The following CNTNAP2 variants were observed in gnomAD, a reference collection of about 807,000 sequenced individuals.
CNTNAP2 encodes contactin associated protein 2.
A neutral mutation model predicts 155.2 loss-of-function variants in CNTNAP2; 98 were observed. The observed-to-expected ratio is 0.63, with a 90% CI of 0.54 to 0.75. CNTNAP2 has a LOEUF of 0.75. CNTNAP2 is among the 30% of genes least tolerant of loss of function. CNTNAP2 has a pLI of 0.00. For synonymous variants in CNTNAP2, 651 were observed against 631.2 expected, an observed-to-expected ratio of 1.03 and a Z score of -0.47; for missense variants, 1,727 against 1,688.1, an observed-to-expected ratio of 1.02 and a Z score of -0.40.
At chr7:146,539,826 A>G (rs753292905) in intron 1 of CNTNAP2, among the ~76,000 whole-genome samples, 5 of 152,136 alleles carry the variant, frequency 3.3e-5, no homozygotes, top group Non-Finnish European at 7.4e-5. Flanking sequence ...AAAGTCACCA[A>G]TCATGAAAGT....
chr7:146,702,319 C>T (rs1317333287), intron 1 of CNTNAP2, among the ~76,000 whole-genome samples: 3 of 151,836 alleles, frequency 2.0e-5, no homozygotes, highest in Non-Finnish European at 4.4e-5. Flanking sequence ...ATTAAGTATT[C>T]TATTAAAAGG....
chr7:146,714,484 A>T (rs756575473), intron 1 of CNTNAP2, among the ~76,000 whole-genome samples: 2 of 152,208 alleles, frequency 1.3e-5, no homozygotes, highest in Non-Finnish European at 2.9e-5. Flanking sequence ...GCTATTTCAT[A>T]TCTAAACCTC....
chr7:147,470,741 C>T (rs868525346), intron 10 of CNTNAP2, among the ~76,000 whole-genome samples: 4 of 151,826 alleles, frequency 2.6e-5, no homozygotes, highest in African/African-American at 7.3e-5. Context: ...CAAAAATATG[C>T]TTTATTTATT....
At chr7:147,088,008 A>G (rs1800317872) in intron 4 of CNTNAP2, among the ~76,000 whole-genome samples, 2 of 152,158 alleles carry the variant, frequency 1.3e-5, no homozygotes, top group Admixed American at 1.3e-4. Flanking sequence ...ACAGCCATCA[A>G]GCAGACATGG....
chr7:147,664,662 C>G, intron 13 of CNTNAP2, among the ~76,000 whole-genome samples: 1 of 152,142 alleles, frequency 6.6e-6, no homozygotes, highest in Non-Finnish European at 1.5e-5. Context: ...CCTAGGAAAT[C>G]TCTTTGAATC....
At chr7:147,092,672 C>T (rs1800431516) in intron 4 of CNTNAP2, among the ~76,000 whole-genome samples, 1 of 152,166 alleles carries the variant, frequency 6.6e-6, no homozygotes, top group African/African-American at 2.4e-5. Context: ...TTAAAAAATT[C>T]TGAGCTTCAC....
At chr7:148,130,519 G>A (rs59906748) in intron 16 of CNTNAP2, among the ~76,000 whole-genome samples, 3 of 152,114 alleles carry the variant, frequency 2.0e-5, no homozygotes, top group African/African-American at 7.2e-5. Context: ...TACAGATCTG[G>A]TCCAGTTACT....
intron 13 of CNTNAP2, among the ~76,000 whole-genome samples, chr7:147,775,343 ATATATTTATATAT>A (rs1704561795): frequency 2.2e-5 from 1 of 45,734 alleles, no homozygotes; most frequent in Non-Finnish European, 3.5e-5. Flanking sequence ...TTATAAATAT[ATATATTTATATAT>A]ATTTATAAAT....
chr7:148,063,172 C>A (rs186680840), intron 15 of CNTNAP2, among the ~76,000 whole-genome samples: 238 of 151,946 alleles, frequency 1.6e-3, no homozygotes, highest in African/African-American at 5.6e-3. Flanking sequence ...AGGTGTGGTC[C>A]TACTGTCTTC....
chr7:147,823,347 T>C (rs1798391001), intron 13 of CNTNAP2, among the ~76,000 whole-genome samples: 1 of 152,178 alleles, frequency 6.6e-6, no homozygotes, highest in African/African-American at 2.4e-5. Context: ...TAGACTTATT[T>C]CTTGTCACTC....
intron 1 of CNTNAP2, among the ~76,000 whole-genome samples, chr7:146,733,173 G>A (rs1801555285): frequency 6.6e-6 from 1 of 152,082 alleles, no homozygotes; most frequent in Non-Finnish European, 1.5e-5. Flanking sequence ...ACTCTTTCAA[G>A]AGCCCACGGG....
chr7:147,971,318 C>T (rs1330303717), intron 14 of CNTNAP2, among the ~76,000 whole-genome samples: 1 of 152,010 alleles, frequency 6.6e-6, no homozygotes, highest in Non-Finnish European at 1.5e-5. Context: ...TAATATTCAT[C>T]GATTTTAACT....
intron 3 of CNTNAP2, among the ~76,000 whole-genome samples, chr7:147,023,161 C>T (rs531589997): frequency 6.6e-6 from 1 of 152,140 alleles, no homozygotes; most frequent in Non-Finnish European, 1.5e-5. Context: ...GAGGAAGAAG[C>T]CTGAGATGAA....
chr7:148,208,214 G>A (rs1795486644), intron 18 of CNTNAP2, among the ~76,000 whole-genome samples: 1 of 152,212 alleles, frequency 6.6e-6, no homozygotes, highest in Non-Finnish European at 1.5e-5. Context: ...TGCAAACAGA[G>A]AGCTTAGGGT....
chr7:146,869,010 T>C lies in CNTNAP2; in HGVS notation c.402+29106T>C, dbSNP rs535371796. 2.6e-5 allele frequency among the ~76,000 whole-genome samples: 4 copies of C among 152,300 alleles called. No individual in the cohort carries two copies. In the South Asian group the frequency reaches 8.3e-4, roughly 32 times the overall value. Reference sequence around the variant, plus strand: ...TTCCTATTTGGATGTGCTTTATTTCTTTCTCTTGCCTGATTGCTCTGGCTA... The same window carrying C: ...TTCCTATTTGGATGTGCTTTATTTCCTTCTCTTGCCTGATTGCTCTGGCTA... On this transcript the variant is annotated intron_variant, in intron 3 of 23. Transcript: ENST00000361727.
rs748866312 is a variant in CNTNAP2, at chr7:148,419,433, T to TTTTTG, written c.*3828_*3832dup. On this transcript the variant is annotated 3_prime_UTR_variant, in exon 24 of 24. Coordinates refer to ENST00000361727, the MANE Select transcript of CNTNAP2 (RefSeq NM_014141.6). Reference sequence around the variant, plus strand: ...CCCCCGCCCCGCTTTTTTTTGTTGTTTTTTGTTTTGTTTTGAGACGGAGTC... The same window carrying TTTTTG: ...CCCCCGCCCCGCTTTTTTTTGTTGTTTTTTGTTTTGTTTTGTTTTGAGACGGAGTC... 1 of 152,534 alleles carries TTTTTG rather than the reference T, an allele frequency of 6.6e-6. No homozygotes were observed. The highest frequency in any genetic ancestry group is 6.5e-5 in the Admixed American group (1 of 15,280). The allele number at this position is 152,534 out of a possible 1,614,324, so 9.4% of individuals were successfully genotyped here. A position where few individuals can be genotyped will look rare whatever the true frequency, so the allele number is the denominator to read the frequency against.
chr7:146,549,578 C>A (rs1044812608), intron 1 of CNTNAP2, among the ~76,000 whole-genome samples: 2 of 151,958 alleles, frequency 1.3e-5, no homozygotes, highest in Admixed American at 1.3e-4. Context: ...CTATTTGCAG[C>A]CTCTCTGTCA....
At chr7:146,727,190 G>A (rs1033458219) in intron 1 of CNTNAP2, among the ~76,000 whole-genome samples, 1 of 151,954 alleles carries the variant, frequency 6.6e-6, no homozygotes, top group East Asian at 1.9e-4. Context: ...CCATGATACC[G>A]CTATTGTCCA....
chr7:148,099,505 G>A (rs1804050989), intron 15 of CNTNAP2, among the ~76,000 whole-genome samples: 2 of 150,360 alleles, frequency 1.3e-5, no homozygotes, highest in Non-Finnish European at 2.9e-5. Context: ...CAGCACCCAG[G>A]CCTCACTTGT....
Sources: gnomAD v4.1 joint callset for allele counts (sites outside exome capture counted in the v4.1 genomes callset) on GRCh38, gnomAD v4.1.1 for gene constraint, MANE v1.5 for transcripts, NCBI Gene and HGNC (gene_info 2026-07-23, HGNC 2026-07-21) for gene names.